FBXO34: variants seen among roughly 807,000 people sequenced by gnomAD.
FBXO34 encodes F-box protein 34.
A neutral mutation model predicts 24.5 loss-of-function variants in FBXO34; 12 were observed. That is an observed-to-expected ratio of 0.49 (90% CI 0.31 to 0.79). The LOEUF (loss-of-function observed/expected upper bound fraction) is 0.79, where lower values mean the gene tolerates loss of function less well. Ranked by LOEUF, FBXO34 falls within the 30% of genes least tolerant of loss-of-function variation. The probability of loss-of-function intolerance (pLI) is 0.04; values close to 1 mark genes in which losing one functional copy is unlikely to be tolerated. For synonymous variants in FBXO34, 320 were observed against 311.9 expected (o/e 1.03, Z -0.27); for missense variants, 823 against 857.7 (o/e 0.96, Z 0.51).
intron 1 of FBXO34, among the ~76,000 whole-genome samples, chr14:55,347,361 C>T (rs963018037): frequency 2.0e-5 from 3 of 152,138 alleles, no homozygotes; most frequent in Non-Finnish European, 2.9e-5. Context: ...TTGCTCCCTG[C>T]ATTATATCCT....
chr14:55,351,595 G>C lies in FBXO34; in HGVS notation c.1205G>C (p.Arg402Thr), dbSNP rs746674684. ...GSQTAVKNSN[R>T]YDVEMTDELV... Reference sequence around the variant, plus strand: ...CAAACTGCCGTGAAAAACAGCAACAGATATGATGTGGAAATGACAGATGAA... The same window carrying C: ...CAAACTGCCGTGAAAAACAGCAACACATATGATGTGGAAATGACAGATGAA... The change falls in exon 2 of 2, where the codon AGA (arginine) becomes ACA (threonine). Residue 402 changes from arginine (R) to threonine (T), a missense_variant. Physicochemically the swap from Arg to Thr is moderately conservative, Grantham distance 71. Coordinates refer to ENST00000313833, the MANE Select transcript of FBXO34 (RefSeq NM_017943.4). 7 of 1,614,180 alleles carry C rather than the reference G, an allele frequency of 4.3e-6. No individual in the cohort carries two copies. The Admixed American group carries it at 8.3e-5, about 19-fold the overall frequency.
intron 1 of FBXO34, among the ~76,000 whole-genome samples, chr14:55,340,084 CT>C (rs1442919320): frequency 6.6e-6 from 1 of 152,178 alleles, no homozygotes; most frequent in Non-Finnish European, 1.5e-5. Context: ...GAGACCAGGT[CT>C]TGCTGTGTTG....
In FBXO34 at chr14:55,353,336, TC is replaced by T. The variant is rs1884457837; in HGVS notation, c.*813del. On this transcript the variant is annotated 3_prime_UTR_variant, in exon 2 of 2. Coordinates refer to ENST00000313833, the MANE Select transcript of FBXO34 (RefSeq NM_017943.4). ...ACATCTTGTATAAAATATGAATGTT[TC>T]CCAAATAAACTATGAATGTTTCCTG... 1 of 167,030 alleles carries T rather than the reference TC, an allele frequency of 6.0e-6. No homozygotes were observed. The highest frequency in any genetic ancestry group is 1.5e-5 in the Non-Finnish European group (1 of 68,098). The allele number at this position is 167,030 out of a possible 1,614,324, so 10.3% of individuals were successfully genotyped here.
intron 1 of FBXO34, among the ~76,000 whole-genome samples, chr14:55,276,093 A>G (rs1428770697): frequency 1.3e-5 from 2 of 152,214 alleles, no homozygotes; most frequent in Non-Finnish European, 2.9e-5. Context: ...AATTAGAAGC[A>G]TAGAAAAGAG....
At chr14:55,426,533 A>G in the FBXO34 span, among the ~76,000 whole-genome samples, 1 of 152,164 alleles carries the variant, frequency 6.6e-6, no homozygotes, top group Non-Finnish European at 1.5e-5. Context: ...GAGAGGCCTC[A>G]TGTTAAAAAT....
At chr14:55,357,720 G>A (rs777653574), downstream of FBXO34, among the ~76,000 whole-genome samples, 11 of 152,208 alleles carry the variant, frequency 7.2e-5, no homozygotes, top group Non-Finnish European at 1.5e-4. Flanking sequence ...GGCTGATGCA[G>A]GAGGACAGCT....
chr14:55,272,525 C>CTTT (rs542675528), intron 1 of FBXO34, among the ~76,000 whole-genome samples: 7 of 113,576 alleles, frequency 6.2e-5, no homozygotes, highest in African/African-American at 1.9e-4. Context: ...AATCAGTTTG[C>CTTT]TTTTTTTTTT....
chr14:55,361,228 G>A (rs775836724), intron 3 of FBXO34, among the ~76,000 whole-genome samples: 2 of 152,294 alleles, frequency 1.3e-5, no homozygotes, highest in East Asian at 1.9e-4. Flanking sequence ...TGTTGTTATC[G>A]TGCATGAAAA....
At chr14:55,393,797 C>G in the FBXO34 span, among the ~76,000 whole-genome samples, 2,881 of 152,144 alleles carry the variant, frequency 0.019, 85 homozygotes, top group African/African-American at 0.062. Flanking sequence ...GAGCAATCCA[C>G]CTCGGACTCC....
At chr14:55,380,853 G>GTATA in the FBXO34 span, among the ~76,000 whole-genome samples, 305 of 107,968 alleles carry the variant, frequency 2.8e-3, 5 homozygotes, top group African/African-American at 0.012. Flanking sequence ...CATTCTTTGT[G>GTATA]TGTATATATA....
chr14:55,336,142 T>C (rs542232373), intron 1 of FBXO34, among the ~76,000 whole-genome samples: 77 of 152,348 alleles, frequency 5.1e-4, no homozygotes, highest in African/African-American at 1.8e-3. Flanking sequence ...CTGAAAATTA[T>C]ATGTATTTAA....
the FBXO34 span, chr14:55,397,323 T>C: frequency 4.0e-6 from 6 of 1,491,278 alleles, no homozygotes; most frequent in Non-Finnish European, 4.7e-6. Context: ...TTCAACCAAA[T>C]GTTGACTAGA....
intron 1 of FBXO34, among the ~76,000 whole-genome samples, chr14:55,273,666 C>A (rs1383083445): frequency 6.6e-6 from 1 of 152,080 alleles, no homozygotes; most frequent in African/African-American, 2.4e-5. Flanking sequence ...GTTAGTCAAC[C>A]TTTAAGATGA....
intron 3 of FBXO34, among the ~76,000 whole-genome samples, chr14:55,360,754 T>A (rs1043713061): frequency 9.9e-5 from 15 of 152,090 alleles, no homozygotes; most frequent in African/African-American, 3.4e-4. Flanking sequence ...TCCCAGCACT[T>A]TGGGAGGCCT....
chr14:55,346,385 A>C (rs928240086), intron 1 of FBXO34, among the ~76,000 whole-genome samples: 4 of 152,164 alleles, frequency 2.6e-5, no homozygotes, highest in African/African-American at 4.8e-5. Flanking sequence ...AGATGTGGGG[A>C]TCAGAAAGGA....
chr14:55,347,209 T>C (rs1468763694), intron 1 of FBXO34, among the ~76,000 whole-genome samples: 1 of 152,206 alleles, frequency 6.6e-6, no homozygotes, highest in Non-Finnish European at 1.5e-5. Context: ...TTGGCAACCA[T>C]GGAAACCTAG....
intron 1 of FBXO34, among the ~76,000 whole-genome samples, chr14:55,344,320 CT>C (rs34407492): frequency 9.0e-4 from 133 of 146,964 alleles, no homozygotes; most frequent in African/African-American, 1.6e-3. Flanking sequence ...CTTTTACAGA[CT>C]TTTTTTTTTT....
chr14:55,357,667 G>A (rs751066939), downstream of FBXO34, among the ~76,000 whole-genome samples: 9 of 152,116 alleles, frequency 5.9e-5, no homozygotes, highest in African/African-American at 2.4e-5. Flanking sequence ...AAATAAATGA[G>A]TGAGGCATGG....
the FBXO34 span, among the ~76,000 whole-genome samples, chr14:55,393,217 T>C: frequency 7.9e-5 from 12 of 151,498 alleles, no homozygotes; most frequent in Admixed American, 2.6e-4. Flanking sequence ...CCGTCTCTAC[T>C]AAAAAAACAC....
Sources: gnomAD v4.1 joint callset for allele counts (sites outside exome capture counted in the v4.1 genomes callset) on GRCh38, gnomAD v4.1.1 for gene constraint, MANE v1.5 for transcripts, NCBI Gene and HGNC (gene_info 2026-07-23, HGNC 2026-07-21) for gene names.